CADM2: variants seen among roughly 807,000 people sequenced by gnomAD.
CADM2 encodes the protein cell adhesion molecule 2, also known as immunoglobulin superfamily member 4D.
Under a neutral mutation model 49.8 loss-of-function variants are expected in CADM2, and 12 were observed. The ratio of observed to expected loss-of-function variants is 0.24; its 90% CI spans 0.15 to 0.39. The LOEUF is 0.39. Ranked by LOEUF, CADM2 falls within the 10% of genes least tolerant of loss-of-function variation. CADM2 has a pLI of 1.00. For missense variants in CADM2, 378 were observed against 492.3 expected, an observed-to-expected ratio of 0.77 and a Z score of 2.20; for synonymous variants, 214 against 175.4, an observed-to-expected ratio of 1.22 and a Z score of -1.74.
chr3:86,005,089 AGCACCTGC>A (rs1181745970), intron 8 of CADM2, among the ~76,000 whole-genome samples: 1 of 152,108 alleles, frequency 6.6e-6, no homozygotes, highest in African/African-American at 2.4e-5. Flanking sequence ...CACTCAGAAG[AGCACCTGC>A]TGTACTTGTA....
intron 1 of CADM2, among the ~76,000 whole-genome samples, chr3:85,236,463 A>G (rs936162115): frequency 2.9e-4 from 44 of 151,988 alleles, no homozygotes; most frequent in African/African-American, 1.0e-3. Flanking sequence ...TATGATTTCA[A>G]TTGCATATTT....
At chr3:85,347,620 CATATATATAAATATATAT>C (rs2030859287) in intron 1 of CADM2, among the ~76,000 whole-genome samples, 3 of 99,514 alleles carry the variant, frequency 3.0e-5, no homozygotes, top group Non-Finnish European at 4.6e-5. Context: ...AATATATATA[CATATATATAAATATATAT>C]ACATATATAT....
intron 1 of CADM2, among the ~76,000 whole-genome samples, chr3:85,144,586 T>C (rs1449380914): frequency 7.1e-6 from 1 of 141,812 alleles, no homozygotes. Flanking sequence ...CACTCCTGCC[T>C]GGGTGACAGA....
intron 1 of CADM2, among the ~76,000 whole-genome samples, chr3:85,366,957 G>C (rs1461627326): frequency 6.6e-6 from 1 of 151,854 alleles, no homozygotes; most frequent in Non-Finnish European, 1.5e-5. Flanking sequence ...AAAATTATTA[G>C]TTAACACAGC....
At chr3:85,768,619 C>T (rs959395184) in intron 2 of CADM2, among the ~76,000 whole-genome samples, 2 of 148,142 alleles carry the variant, frequency 1.4e-5, no homozygotes, top group Non-Finnish European at 3.0e-5. Context: ...TCATAATTTA[C>T]TTCCCAGTTT....
At chr3:85,670,751 G>A (rs1260758069) in intron 1 of CADM2, among the ~76,000 whole-genome samples, 1 of 152,186 alleles carries the variant, frequency 6.6e-6, no homozygotes, top group Non-Finnish European at 1.5e-5. Context: ...ACAAAGAAGA[G>A]AGATGAGGAA....
At chr3:85,489,593 T>C (rs1346288988) in intron 1 of CADM2, among the ~76,000 whole-genome samples, 2 of 151,886 alleles carry the variant, frequency 1.3e-5, no homozygotes, top group East Asian at 3.9e-4. Context: ...GAATGGCACA[T>C]GTATACATAT....
intron 1 of CADM2, among the ~76,000 whole-genome samples, chr3:85,562,882 T>C (rs920007255): frequency 6.6e-6 from 1 of 152,162 alleles, no homozygotes; most frequent in Non-Finnish European, 1.5e-5. Context: ...TATGCATAAA[T>C]ACCTAATTTA....
At position 85,956,417 on chromosome 3, in the gene CADM2, G is replaced by T. The variant is rs553028082; in HGVS notation, c.792-5052G>T. Among the ~76,000 whole-genome samples, 4 of 151,692 alleles carry T rather than the reference G, an allele frequency of 2.6e-5. No individual in the cohort carries two copies. In the South Asian group the frequency reaches 6.2e-4, roughly 24 times the overall value. On this transcript the variant is annotated intron_variant, in intron 7 of 9. Transcript: ENST00000383699. ...TTTTTATGGTGATATTAAGAAGCTT[G>T]AACATTTTAAATACTAATTGGGAAT...
chr3:85,388,707 G>A (rs2034369327), intron 1 of CADM2, among the ~76,000 whole-genome samples: 1 of 151,868 alleles, frequency 6.6e-6, no homozygotes, highest in South Asian at 2.1e-4. Context: ...CCATAGCCAG[G>A]AAATTCTGGC....
At chr3:85,920,608 A>AT (rs1718980101) in intron 6 of CADM2, among the ~76,000 whole-genome samples, 1 of 151,760 alleles carries the variant, frequency 6.6e-6, no homozygotes, top group African/African-American at 2.4e-5. Flanking sequence ...TATTACCAGC[A>AT]GTATATATTA....
At chr3:85,074,213 T>A (rs1315613773) in intron 1 of CADM2, among the ~76,000 whole-genome samples, 1 of 152,084 alleles carries the variant, frequency 6.6e-6, no homozygotes, top group Non-Finnish European at 1.5e-5. Context: ...CATACTCTCC[T>A]GCCTTAGAGC....
chr3:85,839,911 C>T (rs974337725), intron 3 of CADM2, among the ~76,000 whole-genome samples: 20 of 151,746 alleles, frequency 1.3e-4, no homozygotes, highest in African/African-American at 4.6e-4. Flanking sequence ...AAAAGAGGAA[C>T]AATAAGTGAA....
chr3:85,964,389 G>A (rs922840534), intron 8 of CADM2, among the ~76,000 whole-genome samples: 4 of 151,526 alleles, frequency 2.6e-5, no homozygotes, highest in Admixed American at 6.6e-5. Context: ...ATGGAGTTCT[G>A]AGCACTTTCC....
intron 1 of CADM2, among the ~76,000 whole-genome samples, chr3:85,085,373 T>C (rs1252441259): frequency 6.6e-6 from 1 of 152,126 alleles, no homozygotes; most frequent in African/African-American, 2.4e-5. Flanking sequence ...ATAGTTGTTG[T>C]TGCAAAGGAC....
intron 1 of CADM2, among the ~76,000 whole-genome samples, chr3:85,119,238 CCTGTCT>C (rs1408643439): frequency 6.6e-6 from 1 of 151,986 alleles, no homozygotes; most frequent in Non-Finnish European, 1.5e-5. Flanking sequence ...ATGGTGAAAC[CCTGTCT>C]CTACAAAAAA....
intron 8 of CADM2, among the ~76,000 whole-genome samples, chr3:86,046,010 C>T (rs1038999882): frequency 7.2e-5 from 11 of 152,092 alleles, no homozygotes; most frequent in African/African-American, 2.7e-4. Flanking sequence ...TCATTTTCTT[C>T]CCCAAAGTCC....
At chr3:86,018,623 G>A (rs1732663627) in intron 8 of CADM2, among the ~76,000 whole-genome samples, 1 of 152,162 alleles carries the variant, frequency 6.6e-6, no homozygotes, top group Non-Finnish European at 1.5e-5. Context: ...TTTCTTGATG[G>A]CCAGTGATGG....
chr3:85,434,168 G>T (rs1196575729), intron 1 of CADM2, among the ~76,000 whole-genome samples: 1 of 151,692 alleles, frequency 6.6e-6, no homozygotes, highest in Non-Finnish European at 1.5e-5. Context: ...TCAGTAGAAA[G>T]AAAAAACTTC....
Sources: gnomAD v4.1 joint callset for allele counts (sites outside exome capture counted in the v4.1 genomes callset) on GRCh38, gnomAD v4.1.1 for gene constraint, MANE v1.5 for transcripts, NCBI Gene and HGNC (gene_info 2026-07-23, HGNC 2026-07-21) for gene names.